Variants in PCDH15 observed in about 807,000 individuals in gnomAD.
The protein encoded by PCDH15 is protocadherin-15.
Under a neutral mutation model 178.5 loss-of-function variants are expected in PCDH15, and 129 were observed. The ratio of observed to expected loss-of-function variants is 0.72; its 90% CI spans 0.63 to 0.84. The LOEUF (loss-of-function observed/expected upper bound fraction) is 0.84. Among genes scored for constraint, PCDH15 ranks in the 40% least tolerant of loss-of-function variants. PCDH15 has a pLI of 0.00. For synonymous variants in PCDH15, 800 were observed against 732.0 expected (o/e 1.09, Z -1.50); for missense variants, 2,230 against 2,099.9 (o/e 1.06, Z -1.21).
In PCDH15 at chr10:54,132,744, T is replaced by C; in HGVS notation, c.1917+131A>G. On this transcript the variant is annotated intron_variant, in intron 15 of 37. Transcript: ENST00000644397. ...CCCTTGCTTTCCTTTCCAGATGGAA[T>C]TTTCATTCACTAGAGTGGAGGCAAG... The C allele has an allele frequency of 4.1e-6, 6 of 1,456,676 alleles. No individual in the cohort carries two copies. The South Asian group carries it at 7.4e-5, about 18-fold the overall frequency. 90.2% of individuals were successfully genotyped at this position (1,456,676 alleles called of 1,614,324 possible).
intron 2 of PCDH15, among the ~76,000 whole-genome samples, chr10:54,962,300 C>T (rs1838677191): frequency 6.6e-6 from 1 of 152,172 alleles, no homozygotes; most frequent in South Asian, 2.1e-4. Flanking sequence ...TGGGCAGCCA[C>T]CCCACGTGAT....
At chr10:55,113,767 A>G (rs1837565530) in intron 2 of PCDH15, among the ~76,000 whole-genome samples, 1 of 152,112 alleles carries the variant, frequency 6.6e-6, no homozygotes, top group South Asian at 2.1e-4. Context: ...AAACCAGGCC[A>G]TTTTTGAGAT....
At chr10:54,749,404 TC>T (rs1945897539) in intron 1 of PCDH15, among the ~76,000 whole-genome samples, 3 of 152,140 alleles carry the variant, frequency 2.0e-5, no homozygotes, top group Non-Finnish European at 4.4e-5. Flanking sequence ...GGGAGCATAT[TC>T]AAAGAATCCA....
chr10:54,505,835 A>AT (rs1269231925), intron 3 of PCDH15, among the ~76,000 whole-genome samples: 2 of 152,180 alleles, frequency 1.3e-5, no homozygotes, highest in African/African-American at 4.8e-5. Flanking sequence ...TGTTTAAATT[A>AT]TTCTTAAAGC....
intron 6 of PCDH15, among the ~76,000 whole-genome samples, chr10:54,335,912 A>C (rs936383055): frequency 2.0e-5 from 3 of 152,164 alleles, no homozygotes; most frequent in African/African-American, 7.2e-5. Flanking sequence ...AATGTTTGGA[A>C]CTTCCTAGAG....
intron 26 of PCDH15, among the ~76,000 whole-genome samples, chr10:53,870,409 A>T (rs1033669766): frequency 6.6e-6 from 1 of 152,192 alleles, no homozygotes; most frequent in Admixed American, 6.5e-5. Context: ...ATTAAAAAAA[A>T]TAAAACCCTA....
intron 3 of PCDH15, among the ~76,000 whole-genome samples, chr10:54,433,108 T>A (rs1457553272): frequency 4.6e-5 from 7 of 152,150 alleles, no homozygotes; most frequent in Admixed American, 1.3e-4. Context: ...GGAATCCTCT[T>A]ACACTGTGGG....
At chr10:54,198,486 C>G (rs1337187845) in intron 10 of PCDH15, among the ~76,000 whole-genome samples, 2 of 88,736 alleles carry the variant, frequency 2.3e-5, no homozygotes, top group Admixed American at 1.4e-4. Context: ...TCTTTAATAT[C>G]TAATTATTCT....
intron 29 of PCDH15, among the ~76,000 whole-genome samples, chr10:53,837,529 T>A (rs2077377093): frequency 6.6e-6 from 1 of 152,140 alleles, no homozygotes; most frequent in Non-Finnish European, 1.5e-5. Flanking sequence ...CAGGACAAAT[T>A]ATTATTATGA....
intron 8 of PCDH15, among the ~76,000 whole-genome samples, chr10:54,293,054 T>C (rs2059522790): frequency 6.6e-6 from 1 of 152,144 alleles, no homozygotes; most frequent in Non-Finnish European, 1.5e-5. Context: ...TCATGTAACC[T>C]GACTTCAAAC....
rs148125967 is a variant in PCDH15 at position 55,291,312 on chromosome 10, C to A, written c.-156+28287G>T. Among the ~76,000 whole-genome samples the A allele has an allele frequency of 2.6e-5, 4 of 152,302 alleles. No homozygotes were observed. In the East Asian group the frequency reaches 5.8e-4, roughly 22 times the overall value. On this transcript the variant is annotated intron_variant, in intron 1 of 5. Coordinates refer to the PCDH15 transcript ENST00000458638. ...ACCAAACATTTCATCTCTGGTTTCT[C>A]TGCTTTAGAAACACCTGAATATATG...
At chr10:53,813,211 C>T (rs754807837) in intron 35 of PCDH15, among the ~76,000 whole-genome samples, 3 of 152,150 alleles carry the variant, frequency 2.0e-5, no homozygotes, top group Non-Finnish European at 4.4e-5. Flanking sequence ...CGACACTTTT[C>T]TACATTCATA....
intron 25 of PCDH15, among the ~76,000 whole-genome samples, chr10:53,925,172 T>G (rs2084400120): frequency 1.3e-5 from 2 of 152,202 alleles, no homozygotes; most frequent in African/African-American, 4.8e-5. Flanking sequence ...TTGCTGCTGC[T>G]CACTCTTTGG....
intron 2 of PCDH15, among the ~76,000 whole-genome samples, chr10:55,337,655 TC>T (rs1844431852): frequency 6.6e-6 from 1 of 152,190 alleles, no homozygotes; most frequent in Non-Finnish European, 1.5e-5. Flanking sequence ...ATTAATAGTT[TC>T]ATATCAGTCT....
At chr10:55,583,754 A>G (rs985997376) in intron 2 of PCDH15, among the ~76,000 whole-genome samples, 1 of 152,158 alleles carries the variant, frequency 6.6e-6, no homozygotes, top group Admixed American at 6.6e-5. Flanking sequence ...TTATTGACAC[A>G]GAGAATTCCA....
At chr10:54,286,680 C>T (rs755385424) in intron 8 of PCDH15, among the ~76,000 whole-genome samples, 4 of 152,074 alleles carry the variant, frequency 2.6e-5, no homozygotes, top group Middle Eastern at 3.2e-3. Flanking sequence ...GTCTGGAGTG[C>T]GGTAGCACGA....
chr10:53,946,335 A>T lies in PCDH15; in HGVS notation c.3123-5360T>A, dbSNP rs375251389. Among the ~76,000 whole-genome samples, 7 of 152,266 alleles carry T rather than the reference A, an allele frequency of 4.6e-5. No individual in the cohort carries two copies. In the East Asian group the frequency reaches 9.7e-4, roughly 21 times the overall value. Reference sequence around the variant, plus strand: ...TGAGAGTTTTCCCTTAGGATCAGTTATTAGTGAACTTCCTTCACACTGACC... The same window carrying T: ...TGAGAGTTTTCCCTTAGGATCAGTTTTTAGTGAACTTCCTTCACACTGACC... On this transcript the variant is annotated intron_variant, in intron 23 of 37. Transcript: ENST00000644397.
chr10:53,878,774 AAAT>A (rs1442753343), intron 26 of PCDH15, among the ~76,000 whole-genome samples: 1 of 152,066 alleles, frequency 6.6e-6, no homozygotes, highest in Non-Finnish European at 1.5e-5. Flanking sequence ...GTCAGTGGTC[AAAT>A]AATATTTGGC....
intron 2 of PCDH15, among the ~76,000 whole-genome samples, chr10:54,956,163 C>G (rs1458580016): frequency 6.6e-6 from 1 of 151,262 alleles, no homozygotes; most frequent in East Asian, 1.9e-4. Context: ...TGCCAAAAAA[C>G]AAGTATCATT....
Sources: allele counts gnomAD v4.1 joint callset (sites outside exome capture counted in the v4.1 genomes callset), GRCh38; gene constraint gnomAD v4.1.1; transcripts MANE v1.5; gene names NCBI Gene and HGNC (gene_info 2026-07-23, HGNC 2026-07-21).